CES5A: variants seen among roughly 807,000 people sequenced by gnomAD.
CES5A encodes the protein carboxylesterase 5A, also known as carboxylesterase 5.
In CES5A, 67 loss-of-function variants were observed where a neutral mutation model predicts 62.9. The observed-to-expected ratio is 1.07, with a 90% CI of 0.88 to 1.31. The LOEUF is 1.31. CES5A is among the 50% of genes most tolerant of loss of function. CES5A has a pLI of 0.00. For missense variants in CES5A, 748 were observed against 708.5 expected, an observed-to-expected ratio of 1.06 and a Z score of -0.63; for synonymous variants, 296 against 280.8, an observed-to-expected ratio of 1.05 and a Z score of -0.54.
rs570591787 is a variant in CES5A, at chr16:55,873,893, G to C, written c.218C>G (p.Thr73Arg). The change falls in exon 2 of 13, where the codon ACG (threonine) becomes AGG (arginine). Residue 73 changes from threonine to arginine, a missense_variant. Transcript: ENST00000290567. Reference sequence around the variant, plus strand: ...CCAGGGCGATGCAGGCTGCGGGTTCGTAAATCGCAGGGATCCCAGCGGGGG... The same window carrying C: ...CCAGGGCGATGCAGGCTGCGGGTTCCTAAATCGCAGGGATCCCAGCGGGGG... ...AAPPLGSLRF[T>R]NPQPASPWDN... 3.1e-6 allele frequency: 5 copies of C among 1,613,636 alleles called. No homozygotes were observed. The highest frequency in any genetic ancestry group is 1.3e-5 in the African/African-American group (1 of 74,928).
chr16:55,880,088 G>A (rs544769330), upstream of CES5A, among the ~76,000 whole-genome samples: 33 of 152,214 alleles, frequency 2.2e-4, no homozygotes, highest in South Asian at 3.7e-3. Context: ...TAATGATGAC[G>A]ATGACTAAGA....
intron 1 of CES5A, among the ~76,000 whole-genome samples, chr16:55,951,487 G>A (rs2034557032): frequency 6.6e-6 from 1 of 152,072 alleles, no homozygotes. Flanking sequence ...AAAATGAAAT[G>A]AGAAGTCATT....
Position 55,869,739 on chromosome 16 carries a change from C to T in CES5A, c.423G>A (p.Leu141=), listed in dbSNP as rs1469809589. Residue 141 remains leucine, a synonymous_variant, in exon 4 of 13, where the codon TTG becomes TTA. Transcript: ENST00000290567. ...HADTGSKLPV[L]VWFPGGAFKT... is the part of the protein sequence containing the mutation. ...TGAAGGCACCTCCTGGGAACCACAC[C>T]AAGACCTGAGGAGGGGAGAAGAGCA... 1 of 1,601,810 alleles carries T rather than the reference C, an allele frequency of 6.2e-7. No individual in the cohort carries two copies.
At chr16:55,942,513 C>T (rs2034456179) in intron 2 of CES5A, among the ~76,000 whole-genome samples, 3 of 152,314 alleles carry the variant, frequency 2.0e-5, no homozygotes, top group South Asian at 4.1e-4. Flanking sequence ...TTTATGCTCA[C>T]CAGAATGGCT....
intron 1 of CES5A, among the ~76,000 whole-genome samples, chr16:55,950,613 T>A (rs2034544195): frequency 6.8e-6 from 1 of 147,698 alleles, no homozygotes; most frequent in African/African-American, 2.5e-5. Flanking sequence ...GAAAGAGAAA[T>A]GGAAAATAAT....
intron 9 of CES5A, 121 bp from the exon 10 acceptor site, chr16:55,853,149 A>G: frequency 1.0e-6 from 1 of 954,186 alleles, no homozygotes; most frequent in Admixed American, 2.2e-5. Context: ...TAACCCACAC[A>G]GCAACCCTAT....
intron 1 of CES5A, among the ~76,000 whole-genome samples, chr16:55,889,526 G>A (rs1275099709): frequency 6.6e-6 from 1 of 152,126 alleles, no homozygotes; most frequent in East Asian, 1.9e-4. Context: ...ACAGCCAGAT[G>A]AAAGAGATGC....
chr16:55,853,063 C>T (rs2033165028), intron 9 of CES5A, 35 bp from the exon 10 acceptor site: 6 of 1,609,948 alleles, frequency 3.7e-6, no homozygotes, highest in Non-Finnish European at 5.1e-6. Flanking sequence ...AGATCCAGGT[C>T]AACCACAATG....
rs112216945 is a variant in CES5A, at chr16:55,871,571, C to A, written c.417+54G>T. Reference sequence around the variant, plus strand: ...AGACATGTAGCTGCACTGCCTGGATCCCAGGCCAAGGTCCTGCTAGCTAGA... The same window carrying A: ...AGACATGTAGCTGCACTGCCTGGATACCAGGCCAAGGTCCTGCTAGCTAGA... On this transcript the variant is annotated intron_variant, in intron 3 of 12. Transcript: ENST00000290567. 1.6e-3 allele frequency: 2,558 copies of A among 1,603,258 alleles called. 11 individuals are homozygous for A. Among genetic ancestry groups the A allele is most frequent in the African/African-American group, 0.012 (896 of 74,848 alleles).
intron 1 of CES5A, among the ~76,000 whole-genome samples, chr16:55,918,108 C>T (rs1442760682): frequency 6.6e-6 from 1 of 152,148 alleles, no homozygotes; most frequent in Non-Finnish European, 1.5e-5. Flanking sequence ...CACAGAGGTA[C>T]CTGGAGTATC....
intron 1 of CES5A, among the ~76,000 whole-genome samples, chr16:55,888,982 T>C (rs1275348131): frequency 6.6e-6 from 1 of 152,092 alleles, no homozygotes; most frequent in Non-Finnish European, 1.5e-5. Context: ...AAATGTTACA[T>C]TTAAAATTAT....
intron 4 of CES5A, among the ~76,000 whole-genome samples, chr16:55,868,664 A>T (rs2033517024): frequency 6.6e-6 from 1 of 152,208 alleles, no homozygotes; most frequent in Admixed American, 6.5e-5. Flanking sequence ...TATTTGAATC[A>T]TTGCTGCCTT....
At chr16:55,923,051 G>A (rs757088611) in intron 1 of CES5A, among the ~76,000 whole-genome samples, 89 of 151,256 alleles carry the variant, frequency 5.9e-4, no homozygotes, top group Non-Finnish European at 1.1e-3. Context: ...AATAAGAGAG[G>A]AGTTTATAGC....
chr16:55,851,939 G>C (rs2033141784), intron 10 of CES5A, among the ~76,000 whole-genome samples: 1 of 152,140 alleles, frequency 6.6e-6, no homozygotes, highest in African/African-American at 2.4e-5. Context: ...CCAGACAAAA[G>C]GACAAATATT....
upstream of CES5A, among the ~76,000 whole-genome samples, chr16:55,879,244 C>T (rs1320314193): frequency 6.7e-6 from 1 of 149,676 alleles, no homozygotes; most frequent in Non-Finnish European, 1.5e-5. Flanking sequence ...TCACTGCACC[C>T]TACCACTGTA....
At chr16:55,868,879 G>T (rs1187554494) in intron 4 of CES5A, among the ~76,000 whole-genome samples, 4 of 152,224 alleles carry the variant, frequency 2.6e-5, no homozygotes, top group Non-Finnish European at 5.9e-5. Flanking sequence ...GCTGTGAAAT[G>T]AGAATAACAA....
intron 3 of CES5A, 101 bp downstream of exon 3, chr16:55,871,524 A>G: frequency 1.5e-6 from 2 of 1,350,160 alleles, no homozygotes; most frequent in Non-Finnish European, 2.0e-6. Context: ...CCTTTTACCC[A>G]ACAGGGGGTA....
intron 9 of CES5A, among the ~76,000 whole-genome samples, chr16:55,854,544 C>CTTTTCTTTTTTTTTTTTTT (rs750867515): frequency 3.1e-5 from 2 of 64,416 alleles, no homozygotes; most frequent in Non-Finnish European, 5.2e-5. Flanking sequence ...TTTTTTTTTT[C>CTTTTCTTTTTTTTTTTTTT]TTTTTTTTTT....
At chr16:55,916,214 A>T (rs1471422616) in intron 1 of CES5A, among the ~76,000 whole-genome samples, 1 of 152,140 alleles carries the variant, frequency 6.6e-6, no homozygotes. Context: ...CAATCTTAGG[A>T]TCTAAGGTAG....
Sources: allele counts gnomAD v4.1 joint callset (sites outside exome capture counted in the v4.1 genomes callset), GRCh38; gene constraint gnomAD v4.1.1; transcripts MANE v1.5; gene names NCBI Gene and HGNC (gene_info 2026-07-23, HGNC 2026-07-21).